ANKRD6: variants seen among roughly 807,000 people sequenced by gnomAD.
ANKRD6 encodes ankyrin repeat domain 6, also known as ankyrin repeat domain-containing protein 6.
In ANKRD6, 56 loss-of-function variants were observed where a neutral mutation model predicts 82.3. That is an observed-to-expected ratio of 0.68 (90% confidence interval 0.55 to 0.85). ANKRD6 has a LOEUF of 0.85. Ranked by LOEUF, ANKRD6 falls within the 40% of genes least tolerant of loss-of-function variation. The probability of loss-of-function intolerance (pLI) is 0.00; values close to 1 mark genes in which losing one functional copy is unlikely to be tolerated. For synonymous variants in ANKRD6, 347 were observed against 352.1 expected (o/e 0.99, Z 0.16); for missense variants, 852 against 907.6 (o/e 0.94, Z 0.79).
Position 89,571,133 on chromosome 6 carries a change from G to A in ANKRD6, c.120+4037G>A, listed in dbSNP as rs550940599. Among the ~76,000 whole-genome samples, 16 of 152,152 alleles carry A rather than the reference G, an allele frequency of 1.1e-4. No homozygotes were observed. In the South Asian group the frequency reaches 2.1e-3, roughly 20 times the overall value. On this transcript the variant is annotated intron_variant, in intron 2 of 15. Coordinates refer to ENST00000339746, the MANE Select transcript of ANKRD6 (RefSeq NM_001242809.2). ...GTGGTGCTATCTTGGCTCACTGCAA[G>A]CTCCACCTCCCGGGTTCACGCCATT...
intron 1 of ANKRD6, among the ~76,000 whole-genome samples, chr6:89,525,293 CAAAA>C (rs537500108): frequency 2.3e-5 from 3 of 130,146 alleles, no homozygotes; most frequent in Non-Finnish European, 3.2e-5. Flanking sequence ...GATCCTATCT[CAAAA>C]AAAAAAAAAA....
chr6:89,467,646 A>G (rs1331600760), intron 1 of ANKRD6, among the ~76,000 whole-genome samples: 1 of 152,220 alleles, frequency 6.6e-6, no homozygotes, highest in Non-Finnish European at 1.5e-5. Context: ...TTAGTATCAC[A>G]GTGCTTTCTA....
At chr6:89,547,942 G>T (rs1256295747) in intron 1 of ANKRD6, among the ~76,000 whole-genome samples, 1 of 152,102 alleles carries the variant, frequency 6.6e-6, no homozygotes, top group Non-Finnish European at 1.5e-5. Flanking sequence ...GAGGCTTACA[G>T]GGCTTCAATG....
chr6:89,548,427 C>T (rs944162393), intron 1 of ANKRD6, among the ~76,000 whole-genome samples: 2 of 152,144 alleles, frequency 1.3e-5, no homozygotes, highest in African/African-American at 4.8e-5. Context: ...TTTATCAGTT[C>T]ACCATTGATG....
intron 3 of ANKRD6, among the ~76,000 whole-genome samples, chr6:89,600,064 G>A (rs892556612): frequency 2.0e-5 from 3 of 152,122 alleles, no homozygotes; most frequent in African/African-American, 4.8e-5. Flanking sequence ...ATGTGTTCTC[G>A]CCGCAACCTC....
Position 89,525,349 on chromosome 6 carries a change from C to T in ANKRD6, c.-143-41485C>T, listed in dbSNP as rs928995925. 3.6e-4 allele frequency among the ~76,000 whole-genome samples: 54 copies of T among 151,830 alleles called. 1 individual carries two copies. Among genetic ancestry groups the T allele is most frequent in the South Asian group, 6.3e-4 (3 of 4,792 alleles). On this transcript the variant is annotated intron_variant, in intron 1 of 15. Transcript: ENST00000339746. ...CAGGCTCCCTCCCTAAAGACCTGCACCCCTGGCCTTGAGAGCTCTCAGATG... is the reference window on the plus strand; with the variant it reads ...CAGGCTCCCTCCCTAAAGACCTGCATCCCTGGCCTTGAGAGCTCTCAGATG...
intron 6 of ANKRD6, 116 bp from the exon 7 acceptor site, chr6:89,613,676 A>G: frequency 1.1e-6 from 1 of 924,130 alleles, no homozygotes; most frequent in Non-Finnish European, 1.6e-6. Flanking sequence ...GCTGCTTATG[A>G]TTCCCTAAAG....
At chr6:89,453,641 G>A (rs934388715) in intron 1 of ANKRD6, among the ~76,000 whole-genome samples, 1 of 151,746 alleles carries the variant, frequency 6.6e-6, no homozygotes, top group Non-Finnish European at 1.5e-5. Flanking sequence ...GTGCTGTAGC[G>A]CAGTCTTGGC....
At position 89,580,807 on chromosome 6, in the gene ANKRD6, G is replaced by A. The variant is rs150823195; in HGVS notation, c.120+13711G>A. On this transcript the variant is annotated intron_variant, in intron 2 of 15. Coordinates refer to ENST00000339746, the MANE Select transcript of ANKRD6 (RefSeq NM_001242809.2). The stretch of plus-strand genomic sequence containing the variant: ...GGCGTGGCCTGAACTCGTGTTTGCC[G>A]ACCTGCTGGTTCCTAGTCATTTGCT... 1.6e-4 allele frequency among the ~76,000 whole-genome samples: 25 copies of A among 152,254 alleles called. No homozygotes were observed. In the East Asian group the frequency reaches 4.4e-3, roughly 27 times the overall value.
chr6:89,587,248 C>T (rs565825934), intron 2 of ANKRD6, among the ~76,000 whole-genome samples: 65 of 150,714 alleles, frequency 4.3e-4, no homozygotes, highest in South Asian at 1.9e-3. Flanking sequence ...CCCAACACTT[C>T]GGGAGGCCGA....
In ANKRD6 at chr6:89,613,658, T is replaced by A. The variant is rs570403965; in HGVS notation, c.517-134T>A. 370 of 816,418 alleles carry A rather than the reference T, an allele frequency of 4.5e-4. 1 individual carries two copies. Among genetic ancestry groups the A allele is most frequent in the Middle Eastern group, 1.2e-3 (4 of 3,364 alleles). The allele number at this position is 816,418 out of a possible 1,614,324, so 50.6% of individuals were successfully genotyped here. ...CGAGCCTTGGGGTGGAGCATCTATG[T>A]TAAAAGAGCTGCTTATGATTCCCTA... On this transcript the variant is annotated intron_variant, in intron 6 of 15. Transcript: ENST00000339746.
intron 1 of ANKRD6, among the ~76,000 whole-genome samples, chr6:89,462,812 T>G (rs139012608): frequency 3.3e-5 from 5 of 152,110 alleles, no homozygotes; most frequent in Non-Finnish European, 7.4e-5. Context: ...GTTTTTACAT[T>G]GTAGAAAAGT....
chr6:89,485,567 C>T (rs1206492131), intron 1 of ANKRD6, among the ~76,000 whole-genome samples: 1 of 152,222 alleles, frequency 6.6e-6, no homozygotes, highest in Non-Finnish European at 1.5e-5. Context: ...TGCCTCTTCA[C>T]ACTTCTCTGC....
intron 1 of ANKRD6, among the ~76,000 whole-genome samples, chr6:89,550,182 GTA>G (rs766814394): frequency 6.6e-6 from 1 of 151,590 alleles, no homozygotes; most frequent in Non-Finnish European, 1.5e-5. Context: ...GGTATATATG[GTA>G]TATATATATG....
chr6:89,572,312 C>T (rs1008956663), intron 2 of ANKRD6, among the ~76,000 whole-genome samples: 1 of 152,190 alleles, frequency 6.6e-6, no homozygotes, highest in African/African-American at 2.4e-5. Flanking sequence ...TGCTGGATCA[C>T]ATGGTAAGAA....
intron 1 of ANKRD6, among the ~76,000 whole-genome samples, chr6:89,544,017 G>A (rs1185686236): frequency 6.6e-6 from 1 of 152,128 alleles, no homozygotes; most frequent in Admixed American, 6.5e-5. Context: ...GCCAACAGAG[G>A]ACAAAACCAC....
At chr6:89,544,114 G>C (rs537140124) in intron 1 of ANKRD6, among the ~76,000 whole-genome samples, 1 of 152,134 alleles carries the variant, frequency 6.6e-6, no homozygotes, top group South Asian at 2.1e-4. Context: ...TGGGATCATG[G>C]TCTGATGGTT....
intron 1 of ANKRD6, among the ~76,000 whole-genome samples, chr6:89,485,734 T>C (rs1777290631): frequency 6.6e-6 from 1 of 152,226 alleles, no homozygotes; most frequent in Non-Finnish European, 1.5e-5. Flanking sequence ...CTGGGGTGTC[T>C]AAATTTTTTG....
intron 10 of ANKRD6, among the ~76,000 whole-genome samples, chr6:89,622,947 T>C (rs1804044789): frequency 6.7e-6 from 1 of 148,276 alleles, no homozygotes. Context: ...GGACCAGAAA[T>C]ATGATATTTT....
Sources: allele counts gnomAD v4.1 joint callset (sites outside exome capture counted in the v4.1 genomes callset), GRCh38; gene constraint gnomAD v4.1.1; transcripts MANE v1.5; gene names NCBI Gene and HGNC (gene_info 2026-07-23, HGNC 2026-07-21).